Variants in RGS7 observed in about 807,000 individuals in gnomAD.
RGS7 encodes regulator of G-protein signaling 7.
In RGS7, 27 loss-of-function variants were observed where a neutral mutation model predicts 81.1. The ratio of observed to expected loss-of-function variants is 0.33; its 90% confidence interval spans 0.25 to 0.46. RGS7 has a LOEUF of 0.46. Ranked by LOEUF, RGS7 falls within the 20% of genes least tolerant of loss-of-function variation. RGS7 has a pLI of 1.00. For synonymous variants in RGS7, 208 were observed against 207.7 expected (o/e 1.00, Z -0.01); for missense variants, 396 against 607.4 (o/e 0.65, Z 3.66).
intron 6 of RGS7, 68 bp downstream of exon 6, chr1:240,930,649 A>C: frequency 7.0e-7 from 1 of 1,426,168 alleles, no homozygotes; most frequent in Non-Finnish European, 9.9e-7. Flanking sequence ...AAAAGCAATA[A>C]AACGCAAGTA....
chr1:241,267,148 G>C (rs190509384), intron 2 of RGS7, among the ~76,000 whole-genome samples: 3 of 152,220 alleles, frequency 2.0e-5, no homozygotes, highest in African/African-American at 7.2e-5. Context: ...TCCTAGCTCC[G>C]TCTCTCTCAG....
intron 2 of RGS7, chr1:241,305,976 CTAAAG>C (rs1308060676): frequency 1.3e-5 from 2 of 156,692 alleles, no homozygotes; most frequent in Admixed American, 1.3e-4. Context: ...GTGACTTTCT[CTAAAG>C]TAGAGAGTAG....
Position 241,054,965 on chromosome 1 carries a change from G to A in RGS7, c.175+43701C>T, listed in dbSNP as rs1221202080. ...CAAACTTTCTAACTATGGTCTGAAA[G>A]ACCCCAGTCTAGTAAATCAAGAACT... On this transcript the variant is annotated intron_variant, in intron 3 of 18. Transcript: ENST00000440928. Among the ~76,000 whole-genome samples the A allele has an allele frequency of 2.0e-5, 3 of 152,106 alleles. No individual in the cohort carries two copies. In the East Asian group the frequency reaches 5.8e-4, roughly 29 times the overall value.
intron 9 of RGS7, among the ~76,000 whole-genome samples, chr1:240,857,676 A>G (rs1416893553): frequency 6.6e-6 from 1 of 152,130 alleles, no homozygotes; most frequent in African/African-American, 2.4e-5. Context: ...CGATGCATTT[A>G]AAGTCCTTCC....
chr1:241,062,839 T>A (rs2061817012), intron 3 of RGS7, among the ~76,000 whole-genome samples: 1 of 152,282 alleles, frequency 6.6e-6, no homozygotes, highest in Non-Finnish European at 1.5e-5. Context: ...AACACTAACG[T>A]GTTAAAGACC....
chr1:241,051,467 A>T (rs979043501), intron 3 of RGS7, among the ~76,000 whole-genome samples: 7 of 151,950 alleles, frequency 4.6e-5, no homozygotes, highest in African/African-American at 1.7e-4. Flanking sequence ...AAGCCAACCA[A>T]TATAGCAAAG....
chr1:241,158,919 T>C (rs2069400122), intron 2 of RGS7, among the ~76,000 whole-genome samples: 1 of 152,100 alleles, frequency 6.6e-6, no homozygotes, highest in Non-Finnish European at 1.5e-5. Context: ...AAATCAATTT[T>C]ATTACAAATC....
intron 3 of RGS7, among the ~76,000 whole-genome samples, chr1:241,012,401 T>C (rs1355780458): frequency 2.6e-5 from 4 of 152,078 alleles, no homozygotes; most frequent in South Asian, 4.1e-4. Context: ...AGAGGGAAAG[T>C]AGATCTGGGA....
chr1:240,966,617 G>A (rs1207877610), intron 4 of RGS7, among the ~76,000 whole-genome samples: 3 of 152,264 alleles, frequency 2.0e-5, no homozygotes, highest in Non-Finnish European at 2.9e-5. Context: ...TGTTTAGGCT[G>A]ATTCAGAACC....
intron 4 of RGS7, among the ~76,000 whole-genome samples, chr1:240,954,306 G>A (rs1186132970): frequency 1.3e-5 from 2 of 151,948 alleles, no homozygotes; most frequent in Admixed American, 6.6e-5. Context: ...AAAGAAAAAC[G>A]ACAGACCATT....
At chr1:241,282,686 T>C (rs2078587444) in intron 2 of RGS7, among the ~76,000 whole-genome samples, 1 of 152,216 alleles carries the variant, frequency 6.6e-6, no homozygotes, top group South Asian at 2.1e-4. Context: ...TTAATAATAA[T>C]GCTAGCTGTA....
At chr1:241,235,690 CTCTT>C (rs1558220184) in intron 2 of RGS7, among the ~76,000 whole-genome samples, 4 of 28,362 alleles carry the variant, frequency 1.4e-4, no homozygotes, top group South Asian at 1.2e-3. Context: ...CTTTCTCTCT[CTCTT>C]TCTCTCTTTC....
In RGS7 at chr1:240,796,083, G is replaced by A. The variant is rs570414503; in HGVS notation, c.*6+4558C>T. Among the ~76,000 whole-genome samples, 6 of 152,168 alleles carry A rather than the reference G, an allele frequency of 3.9e-5. No homozygotes were observed. In the South Asian group the frequency reaches 1.0e-3, roughly 26 times the overall value. The stretch of plus-strand genomic sequence containing the variant: ...ATTACAGGCATGAGCCACTGCACCC[G>A]GCCTTAAATGATTTTTTAAAATTCA... On this transcript the variant is annotated intron_variant, in intron 18 of 18. Transcript: ENST00000440928.
Position 241,250,669 on chromosome 1 carries a change from T to C in RGS7, c.78+105030A>G, listed in dbSNP as rs8179388. Among the ~76,000 whole-genome samples the C allele has an allele frequency of 1.9e-3, 297 of 152,348 alleles. 5 individuals are homozygous for C. In the East Asian group the frequency reaches 0.041, roughly 21 times the overall value. On this transcript the variant is annotated intron_variant, in intron 2 of 18. Transcript: ENST00000440928. ...GTAAGCACTGTGCCTTTATTCTTTA[T>C]TGCACTAGGCCTCTTGACAAATGAC...
intron 9 of RGS7, among the ~76,000 whole-genome samples, chr1:240,844,779 C>T (rs1658756325): frequency 6.6e-6 from 1 of 152,078 alleles, no homozygotes; most frequent in Admixed American, 6.5e-5. Flanking sequence ...TTTCAGAGCA[C>T]AAAAGAAATA....
chr1:241,282,952 A>G (rs903578610), intron 2 of RGS7, among the ~76,000 whole-genome samples: 9 of 152,198 alleles, frequency 5.9e-5, no homozygotes, highest in African/African-American at 2.2e-4. Flanking sequence ...GGTTCTTTAT[A>G]GAAGTAATAC....
intron 2 of RGS7, among the ~76,000 whole-genome samples, chr1:241,290,487 T>C (rs933315412): frequency 6.6e-6 from 1 of 152,242 alleles, no homozygotes. Flanking sequence ...ATAAAAATCA[T>C]TCGTTTCATT....
intron 2 of RGS7, among the ~76,000 whole-genome samples, chr1:241,339,617 G>C (rs573817284): frequency 1.6e-4 from 25 of 152,276 alleles, no homozygotes; most frequent in African/African-American, 5.5e-4. Context: ...TGGTGACCCT[G>C]TAATCATCAG....
intron 10 of RGS7, among the ~76,000 whole-genome samples, chr1:240,820,705 C>T (rs780344781): frequency 2.0e-5 from 3 of 152,130 alleles, no homozygotes; most frequent in Non-Finnish European, 4.4e-5. Flanking sequence ...CTTTGAAGCA[C>T]AGAGTGAGCT....
Sources: allele counts gnomAD v4.1 joint callset (sites outside exome capture counted in the v4.1 genomes callset), GRCh38; gene constraint gnomAD v4.1.1; transcripts MANE v1.5; gene names NCBI Gene and HGNC (gene_info 2026-07-23, HGNC 2026-07-21).